Variants in TMEM117 observed in about 807,000 individuals in gnomAD.
TMEM117 encodes the protein transmembrane protein 117.
A neutral mutation model predicts 52.4 loss-of-function variants in TMEM117; 27 were observed. That is an observed-to-expected ratio of 0.51 (90% confidence interval 0.38 to 0.71). The LOEUF is 0.71. Among genes scored for constraint, TMEM117 ranks in the 30% least tolerant of loss-of-function variants. The pLI is 0.00. For synonymous variants in TMEM117, 215 were observed against 206.3 expected, an observed-to-expected ratio of 1.04 and a Z score of -0.36; for missense variants, 556 against 630.5, an observed-to-expected ratio of 0.88 and a Z score of 1.26.
At chr12:44,036,286 A>C (rs1276814544) in intron 3 of TMEM117, among the ~76,000 whole-genome samples, 1 of 152,240 alleles carries the variant, frequency 6.6e-6, no homozygotes, top group Non-Finnish European at 1.5e-5. Context: ...TGAAAGGAAC[A>C]GTTTTCTACC....
At chr12:44,029,777 A>G (rs1424221398) in intron 3 of TMEM117, among the ~76,000 whole-genome samples, 2 of 152,226 alleles carry the variant, frequency 1.3e-5, no homozygotes, top group Non-Finnish European at 1.5e-5. Flanking sequence ...TTAGGATAGA[A>G]CACAGGCTTA....
At chr12:44,364,539 A>G (rs1238122334) in intron 6 of TMEM117, among the ~76,000 whole-genome samples, 2 of 152,116 alleles carry the variant, frequency 1.3e-5, no homozygotes, top group Admixed American at 6.6e-5. Context: ...AAAATCAAAT[A>G]TAAAGAAGGA....
intron 4 of TMEM117, among the ~76,000 whole-genome samples, chr12:44,179,172 A>G (rs1378436101): frequency 1.3e-5 from 2 of 152,170 alleles, no homozygotes; most frequent in African/African-American, 4.8e-5. Flanking sequence ...CAGCCTGGGC[A>G]ACAAGAGCAA....
intron 3 of TMEM117, among the ~76,000 whole-genome samples, chr12:44,119,083 TA>T (rs1210407563): frequency 1.3e-5 from 2 of 152,236 alleles, no homozygotes; most frequent in East Asian, 3.8e-4. Flanking sequence ...TGTGTGGAAT[TA>T]TTTTTACTTA....
chr12:43,917,562 G>A (rs771447594), intron 2 of TMEM117, among the ~76,000 whole-genome samples: 14 of 152,114 alleles, frequency 9.2e-5, no homozygotes, highest in Non-Finnish European at 2.1e-4. Context: ...CAGGAATTAA[G>A]CCTCAGCCAT....
chr12:44,213,297 G>A (rs905899564), intron 5 of TMEM117, among the ~76,000 whole-genome samples: 2 of 152,140 alleles, frequency 1.3e-5, no homozygotes, highest in Non-Finnish European at 2.9e-5. Flanking sequence ...GCCTCTAGGA[G>A]AACAAAAGAT....
the TMEM117 span, among the ~76,000 whole-genome samples, chr12:43,820,803 T>A: frequency 1.6e-4 from 25 of 152,030 alleles, no homozygotes; most frequent in Non-Finnish European, 2.6e-4. Flanking sequence ...TCTGTCTTTC[T>A]ATAAGAAGCA....
At chr12:44,384,427 C>A (rs544391769) in intron 7 of TMEM117, among the ~76,000 whole-genome samples, 2 of 152,094 alleles carry the variant, frequency 1.3e-5, no homozygotes, top group African/African-American at 4.8e-5. Flanking sequence ...TCCCCACCCC[C>A]ACATGGCCTC....
intron 3 of TMEM117, among the ~76,000 whole-genome samples, chr12:44,114,078 C>A (rs907191134): frequency 6.7e-6 from 1 of 148,432 alleles, no homozygotes; most frequent in African/African-American, 2.5e-5. Context: ...GCGCACGGTG[C>A]GCACACACAC....
At chr12:44,323,452 C>T (rs1451199256) in intron 6 of TMEM117, among the ~76,000 whole-genome samples, 1 of 152,100 alleles carries the variant, frequency 6.6e-6, no homozygotes, top group Non-Finnish European at 1.5e-5. Flanking sequence ...CTTATTTCCT[C>T]TATTAGATGC....
chr12:43,892,421 G>T (rs1944123610), intron 2 of TMEM117, among the ~76,000 whole-genome samples: 1 of 152,156 alleles, frequency 6.6e-6, no homozygotes, highest in Non-Finnish European at 1.5e-5. Context: ...CTCCCAGAAG[G>T]AAAGCAGGTG....
At chr12:43,948,078 C>CCCTG (rs1400743760) in intron 3 of TMEM117, among the ~76,000 whole-genome samples, 1 of 152,006 alleles carries the variant, frequency 6.6e-6, no homozygotes, top group Non-Finnish European at 1.5e-5. Flanking sequence ...ACAGTGGATT[C>CCCTG]CCTGAAGTAT....
chr12:43,982,508 TA>T (rs1046800146), intron 3 of TMEM117, among the ~76,000 whole-genome samples: 1 of 152,158 alleles, frequency 6.6e-6, no homozygotes, highest in African/African-American at 2.4e-5. Context: ...TTAAATGCAT[TA>T]AAAAATAATA....
intron 2 of TMEM117, among the ~76,000 whole-genome samples, chr12:43,892,354 C>A (rs1001113277): frequency 3.9e-5 from 6 of 152,180 alleles, no homozygotes; most frequent in African/African-American, 7.2e-5. Context: ...GGCCAGGGTT[C>A]TTATTGGGTG....
intron 4 of TMEM117, among the ~76,000 whole-genome samples, chr12:44,192,587 G>A (rs1415253104): frequency 6.6e-6 from 1 of 152,022 alleles, no homozygotes; most frequent in Non-Finnish European, 1.5e-5. Context: ...TATAGGTGAA[G>A]TATTGGTTGA....
the TMEM117 span, chr12:43,797,286 A>C: frequency 5.3e-5 from 83 of 1,565,446 alleles, 1 homozygote; most frequent in African/African-American, 1.1e-3. Context: ...TGTGTTAAAA[A>C]CAATGTATCA....
chr12:44,206,664 A>G (rs1949571548), intron 4 of TMEM117, among the ~76,000 whole-genome samples: 1 of 152,244 alleles, frequency 6.6e-6, no homozygotes, highest in Non-Finnish European at 1.5e-5. Context: ...CCTTTGCAGC[A>G]ACATGGATGC....
the TMEM117 span, among the ~76,000 whole-genome samples, chr12:43,812,563 A>G: frequency 1.3e-5 from 2 of 152,198 alleles, no homozygotes; most frequent in African/African-American, 4.8e-5. Flanking sequence ...CTGTTCAATT[A>G]TCAGGTTAGC....
chr12:43,928,725 C>T (rs1312281916), intron 2 of TMEM117, among the ~76,000 whole-genome samples: 5 of 145,400 alleles, frequency 3.4e-5, no homozygotes, highest in Non-Finnish European at 6.1e-5. Flanking sequence ...GGTATATCTC[C>T]CAATGCTATC....
Sources: gnomAD v4.1 joint callset for allele counts (sites outside exome capture counted in the v4.1 genomes callset) on GRCh38, gnomAD v4.1.1 for gene constraint, MANE v1.5 for transcripts, NCBI Gene and HGNC (gene_info 2026-07-23, HGNC 2026-07-21) for gene names.